The following PKHD1L1 variants were observed in gnomAD, a reference collection of about 807,000 sequenced individuals.
PKHD1L1 encodes the protein fibrocystin-L.
Under a neutral mutation model 462.9 loss-of-function variants are expected in PKHD1L1, and 434 were observed. The ratio of observed to expected loss-of-function variants is 0.94; its 90% CI spans 0.87 to 1.02. PKHD1L1 has a LOEUF of 1.02. PKHD1L1 is among the 50% of genes least tolerant of loss of function. The pLI is 0.00. For synonymous variants in PKHD1L1, 1,781 were observed against 1,750.0 expected (o/e 1.02, Z -0.44); for missense variants, 5,202 against 5,096.1 (o/e 1.02, Z -0.63).
At chr8:109,481,142 T>G (rs1435067668) in intron 55 of PKHD1L1, among the ~76,000 whole-genome samples, 2 of 151,942 alleles carry the variant, frequency 1.3e-5, no homozygotes, top group Non-Finnish European at 2.9e-5. Context: ...AGGATATTAC[T>G]TTCAAATACA....
In PKHD1L1 at chr8:109,459,747, G is replaced by A. The variant is rs1465485949; in HGVS notation, c.7157G>A (p.Gly2386Glu). Residue 2386 changes from glycine (G) to glutamate (E), a missense_variant, in exon 47 of 78, where the codon GGA becomes GAA. This residue lies in a region of PKHD1L1 where 4,497 missense variants were observed against 4,336.8 expected (regional missense o/e 1.04). Coordinates refer to ENST00000378402, the MANE Select transcript of PKHD1L1 (RefSeq NM_177531.6). ...GTLFEARAEV[G>E]ILTRNILIRG... ...CTGTTTGAAGCAAGAGCAGAAGTTG[G>A]AATTCTTACAAGAAATATTTTAATA... 6.2e-7 allele frequency: 1 copy of A among 1,611,672 alleles called. No individual in the cohort carries two copies. The highest frequency in any genetic ancestry group is 1.3e-5 in the African/African-American group (1 of 74,806).
chr8:109,493,604 T>C, intron 62 of PKHD1L1, 57 bp from the exon 63 acceptor site: 1 of 1,151,002 alleles, frequency 8.7e-7, no homozygotes, highest in Non-Finnish European at 1.2e-6. Context: ...TTACTCTCGA[T>C]TTATATAAAT....
chr8:109,429,107 T>C (rs1402319069), intron 25 of PKHD1L1, among the ~76,000 whole-genome samples: 6 of 152,192 alleles, frequency 3.9e-5, no homozygotes, highest in African/African-American at 1.4e-4. Flanking sequence ...ATTCAAGTTG[T>C]AATTGATGCA....
intron 50 of PKHD1L1, 133 bp downstream of exon 50, chr8:109,466,902 G>A: frequency 1.2e-6 from 1 of 815,514 alleles, no homozygotes; most frequent in Non-Finnish European, 1.9e-6. Context: ...AGTCCAAGCA[G>A]GAAACAAATA....
intron 35 of PKHD1L1, among the ~76,000 whole-genome samples, chr8:109,442,685 T>A (rs1333009381): frequency 6.6e-6 from 1 of 152,172 alleles, no homozygotes; most frequent in African/African-American, 2.4e-5. Context: ...TCTTTAAATT[T>A]TGGTGTGTTA....
chr8:109,440,645 G>A, intron 32 of PKHD1L1, 65 bp from the exon 33 acceptor site: 1 of 1,462,230 alleles, frequency 6.8e-7, no homozygotes, highest in Non-Finnish European at 9.4e-7. Context: ...TCATATCCTA[G>A]CAAGAGTTTA....
At chr8:109,427,187 T>C in intron 25 of PKHD1L1, 31 bp downstream of exon 25, 1 of 1,532,246 alleles carries the variant, frequency 6.5e-7, no homozygotes, top group Non-Finnish European at 9.0e-7. Flanking sequence ...TTCTCTTTTC[T>C]TCTATGTGCT....
intron 76 of PKHD1L1, among the ~76,000 whole-genome samples, chr8:109,523,821 AG>A (rs1239661843): frequency 2.0e-5 from 3 of 152,206 alleles, no homozygotes; most frequent in Non-Finnish European, 4.4e-5. Context: ...AGAGAAAATG[AG>A]CATTATCATA....
chr8:109,439,391 T>C (rs1815640987), intron 32 of PKHD1L1, among the ~76,000 whole-genome samples: 1 of 152,156 alleles, frequency 6.6e-6, no homozygotes, highest in Non-Finnish European at 1.5e-5. Context: ...GGGCTCAGTG[T>C]TGCTGGCTGG....
chr8:109,520,198 T>A (rs1820477648), intron 73 of PKHD1L1, among the ~76,000 whole-genome samples: 1 of 152,128 alleles, frequency 6.6e-6, no homozygotes, highest in East Asian at 1.9e-4. Flanking sequence ...AGAGTAATAG[T>A]TAACTTTCCT....
chr8:109,388,328 C>T (rs1247761583), intron 6 of PKHD1L1, among the ~76,000 whole-genome samples, 169 bp from the exon 7 acceptor site: 2 of 151,988 alleles, frequency 1.3e-5, no homozygotes, highest in Non-Finnish European at 2.9e-5. Context: ...ACAGGGACTG[C>T]CACATAATAG....
At chr8:109,470,733 T>G in intron 50 of PKHD1L1, 1 of 1,565,596 alleles carries the variant, frequency 6.4e-7, no homozygotes, top group Non-Finnish European at 8.7e-7. Context: ...ACCAATCTTC[T>G]TGGGACAGCC....
chr8:109,428,023 CAAAAAAAAAAAAAAAAA>C (rs55963339), intron 25 of PKHD1L1, among the ~76,000 whole-genome samples: 3 of 70,284 alleles, frequency 4.3e-5, no homozygotes, highest in Non-Finnish European at 9.2e-5. Flanking sequence ...AACTCCGTCT[CAAAAAAAAAAAAAAAAA>C]AAAAAAAAAA....
intron 59 of PKHD1L1, among the ~76,000 whole-genome samples, chr8:109,489,521 T>G (rs985636799): frequency 2.6e-5 from 4 of 152,104 alleles, no homozygotes; most frequent in African/African-American, 7.2e-5. Context: ...GTAATGCCCT[T>G]AAAAGCTCTT....
At chr8:109,398,680 A>G (rs1326776756) in intron 12 of PKHD1L1, 132 bp downstream of exon 12, 9 of 407,830 alleles carry the variant, frequency 2.2e-5, no homozygotes, top group Non-Finnish European at 3.8e-5. Flanking sequence ...CCAAGTTTTA[A>G]AATTTACATT....
intron 19 of PKHD1L1, among the ~76,000 whole-genome samples, 184 bp from the exon 20 acceptor site, chr8:109,412,081 G>T (rs554963791): frequency 6.6e-6 from 1 of 152,198 alleles, no homozygotes; most frequent in South Asian, 2.1e-4. Flanking sequence ...TGGTATAAAG[G>T]ATTATATAAT....
At chr8:109,385,509 T>G (rs7016085) in intron 5 of PKHD1L1, 28 bp from the exon 6 acceptor site, 1 of 1,440,260 alleles carries the variant, frequency 6.9e-7, no homozygotes, top group Non-Finnish European at 9.6e-7. Flanking sequence ...TTACACAGAA[T>G]CTTTTTGGGG....
At chr8:109,385,467 T>G (rs551577138) in intron 5 of PKHD1L1, 70 bp from the exon 6 acceptor site, 1 of 970,782 alleles carries the variant, frequency 1.0e-6, no homozygotes, top group Non-Finnish European at 1.5e-6. Flanking sequence ...AAATCTCTTA[T>G]GTTTTCGTAT....
chr8:109,388,496 G>A lies in PKHD1L1; in HGVS notation c.570-1G>A, dbSNP rs868622285. The A allele has an allele frequency of 1.3e-6, 2 of 1,503,326 alleles. No individual in the cohort carries two copies. Among genetic ancestry groups the A allele is most frequent in the Non-Finnish European group, 1.8e-6 (2 of 1,105,244 alleles). 93.1% of individuals were successfully genotyped at this position (1,503,326 alleles called of 1,614,324 possible). On this transcript the variant is annotated splice_acceptor_variant, in intron 6 of 77. Transcript: ENST00000378402. LOFTEE classifies it high-confidence loss of function. The stretch of plus-strand genomic sequence containing the variant: ...TTTTTCTAATAAAAATATTTGTACA[G>A]AGTTTACATTGGAGGAATGCCCTGT...
Sources: gnomAD v4.1 joint callset for allele counts (sites outside exome capture counted in the v4.1 genomes callset) on GRCh38, gnomAD v4.1.1 for gene constraint, gnomAD v4.1.1 regional missense constraint, MANE v1.5 for transcripts, NCBI Gene and HGNC (gene_info 2026-07-23, HGNC 2026-07-21) for gene names.